Variants in NRG3 observed in about 807,000 individuals in gnomAD.
The protein encoded by NRG3 is pro-neuregulin-3, membrane-bound isoform.
A neutral mutation model predicts 66.9 loss-of-function variants in NRG3; 31 were observed. That is an observed-to-expected ratio of 0.46 (90% CI 0.35 to 0.63). The LOEUF is 0.63. Ranked by LOEUF, NRG3 falls within the 20% of genes least tolerant of loss-of-function variation. NRG3 has a pLI of 0.00. For synonymous variants in NRG3, 393 were observed against 359.4 expected (o/e 1.09, Z -1.06); for missense variants, 910 against 878.9 (o/e 1.04, Z -0.45).
At chr10:82,485,429 A>G (rs1842606131) in intron 2 of NRG3, among the ~76,000 whole-genome samples, 1 of 150,510 alleles carries the variant, frequency 6.6e-6, no homozygotes, top group South Asian at 2.1e-4. Context: ...TCTGCTTGTG[A>G]ATATTAATTT....
chr10:82,486,733 C>T (rs1449873530), intron 2 of NRG3, among the ~76,000 whole-genome samples: 1 of 152,134 alleles, frequency 6.6e-6, no homozygotes, highest in Non-Finnish European at 1.5e-5. Flanking sequence ...CATGAGATAT[C>T]ATTCAGCCAT....
intron 1 of NRG3, among the ~76,000 whole-genome samples, chr10:82,094,045 T>C (rs371250056): frequency 6.6e-6 from 1 of 152,212 alleles, no homozygotes; most frequent in African/African-American, 2.4e-5. Flanking sequence ...ACGACACAAA[T>C]GTAAGGTATT....
chr10:82,726,191 G>T (rs2057586714), intron 2 of NRG3, among the ~76,000 whole-genome samples: 1 of 152,106 alleles, frequency 6.6e-6, no homozygotes, highest in Admixed American at 6.6e-5. Flanking sequence ...AAGCCACCTG[G>T]TCTATGGTAT....
chr10:82,452,075 T>C (rs188055152), intron 2 of NRG3, among the ~76,000 whole-genome samples: 533 of 152,352 alleles, frequency 3.5e-3, no homozygotes, highest in Admixed American at 7.3e-3. Flanking sequence ...TCCCCAGATC[T>C]ATGATATTTT....
intron 2 of NRG3, among the ~76,000 whole-genome samples, chr10:82,644,260 A>G (rs1002812687): frequency 1.3e-5 from 2 of 152,108 alleles, no homozygotes; most frequent in African/African-American, 4.8e-5. Flanking sequence ...AGTCACATGC[A>G]GGAATGGGAT....
chr10:82,883,226 A>C (rs111984891), intron 4 of NRG3, among the ~76,000 whole-genome samples: 3 of 152,016 alleles, frequency 2.0e-5, no homozygotes, highest in Admixed American at 6.6e-5. Context: ...ATCAAACACT[A>C]TGTATTTACA....
rs557208429 is a variant in NRG3, at chr10:82,618,275, G to GGT, written c.954-120291_954-120290dup. On this transcript the variant is annotated intron_variant, in intron 2 of 8. Coordinates refer to ENST00000372141, the MANE Select transcript of NRG3 (RefSeq NM_001010848.4). ...CGACAATCAGCCTACCCAGATTGAA[G>GGT]GTGTGTGTGTGTAGGGCCTGCAGAG... Among the ~76,000 whole-genome samples the GGT allele has an allele frequency of 5.3e-3, 809 of 152,102 alleles. 6 individuals are homozygous for GGT. The highest frequency in any genetic ancestry group is 0.017 in the African/African-American group (711 of 41,468).
At chr10:82,445,431 G>A (rs891898497) in intron 2 of NRG3, among the ~76,000 whole-genome samples, 3 of 152,160 alleles carry the variant, frequency 2.0e-5, no homozygotes, top group Non-Finnish European at 2.9e-5. Context: ...TTAACAGCAG[G>A]ATGTTAGCAT....
intron 1 of NRG3, among the ~76,000 whole-genome samples, chr10:82,344,737 C>CT (rs1398473222): frequency 8.1e-6 from 1 of 123,916 alleles, no homozygotes; most frequent in African/African-American, 4.3e-5. Context: ...TGTTTCCTGA[C>CT]TTTTTAATGA....
At chr10:82,752,952 C>A (rs917322965) in intron 3 of NRG3, among the ~76,000 whole-genome samples, 1 of 152,190 alleles carries the variant, frequency 6.6e-6, no homozygotes, top group Non-Finnish European at 1.5e-5. Context: ...AACAACCCAT[C>A]TGTGAATTTG....
At chr10:82,729,932 G>T (rs2057805209) in intron 2 of NRG3, among the ~76,000 whole-genome samples, 2 of 152,050 alleles carry the variant, frequency 1.3e-5, no homozygotes, top group Non-Finnish European at 2.9e-5. Context: ...GGCTCAAATA[G>T]TGATGCATGC....
chr10:82,596,757 T>G (rs1590814000), intron 2 of NRG3, among the ~76,000 whole-genome samples: 1 of 152,304 alleles, frequency 6.6e-6, no homozygotes, highest in East Asian at 1.9e-4. Context: ...TGGAGGCCAG[T>G]GTTTTGCAGT....
chr10:82,044,572 A>T (rs1357756636), intron 1 of NRG3, among the ~76,000 whole-genome samples: 1 of 151,848 alleles, frequency 6.6e-6, no homozygotes, highest in Non-Finnish European at 1.5e-5. Context: ...ATTTTTTTTA[A>T]TTTTTATTTT....
intron 2 of NRG3, among the ~76,000 whole-genome samples, chr10:82,510,987 G>T (rs1313783894): frequency 6.6e-6 from 1 of 152,226 alleles, no homozygotes; most frequent in Non-Finnish European, 1.5e-5. Flanking sequence ...ATGGATATAA[G>T]TAGGAGCAAG....
intron 1 of NRG3, among the ~76,000 whole-genome samples, chr10:82,153,320 T>C (rs1158636808): frequency 6.6e-6 from 1 of 151,864 alleles, no homozygotes; most frequent in Non-Finnish European, 1.5e-5. Flanking sequence ...CTGTACTTAG[T>C]TTATTTTACT....
At chr10:82,615,012 G>C (rs1355199954) in intron 2 of NRG3, among the ~76,000 whole-genome samples, 1 of 151,978 alleles carries the variant, frequency 6.6e-6, no homozygotes, top group Non-Finnish European at 1.5e-5. Flanking sequence ...TCCATTGTTT[G>C]AGTTCTATTA....
intron 3 of NRG3, among the ~76,000 whole-genome samples, chr10:82,749,573 T>G (rs935390213): frequency 6.6e-6 from 1 of 152,168 alleles, no homozygotes; most frequent in African/African-American, 2.4e-5. Flanking sequence ...TTGTAGTGTA[T>G]TTCTACCTTT....
intron 3 of NRG3, among the ~76,000 whole-genome samples, chr10:82,781,720 C>T (rs2060124409): frequency 6.6e-6 from 1 of 152,116 alleles, no homozygotes; most frequent in African/African-American, 2.4e-5. Flanking sequence ...AGGTAACTTT[C>T]TCCATATTTG....
At position 81,911,464 on chromosome 10, in the gene NRG3, GCTGC is replaced by G. The variant is rs1845137823; in HGVS notation, c.823+35302_823+35305del. ...CTATTGACTGAGAGAGATTTTTGCA[GCTGC>G]AATGGAAATGCCCTCTCGACAGTGT... On this transcript the variant is annotated intron_variant, in intron 1 of 8. Transcript: ENST00000372141. Among the ~76,000 whole-genome samples, 6 of 151,976 alleles carry G rather than the reference GCTGC, an allele frequency of 3.9e-5. No homozygotes were observed. In the South Asian group the frequency reaches 6.2e-4, roughly 16 times the overall value.
Sources: allele counts gnomAD v4.1 joint callset (sites outside exome capture counted in the v4.1 genomes callset), GRCh38; gene constraint gnomAD v4.1.1; transcripts MANE v1.5; gene names NCBI Gene and HGNC (gene_info 2026-07-23, HGNC 2026-07-21).